Variants in C20orf203 observed in about 807,000 individuals in gnomAD.
C20orf203 encodes the protein chromosome 20 open reading frame 203, also known as uncharacterized protein C20orf203.
In C20orf203, 16 loss-of-function variants were observed where a neutral mutation model predicts 15.9. The ratio of observed to expected loss-of-function variants is 1.01; its 90% CI spans 0.68 to 1.53. The LOEUF is 1.53. Ranked by LOEUF, C20orf203 falls within the 40% of genes most tolerant of loss-of-function variation. The pLI, the probability that C20orf203 is intolerant of heterozygous loss-of-function variation, is 0.00. For synonymous variants in C20orf203, 98 were observed against 97.2 expected, an observed-to-expected ratio of 1.01 and a Z score of -0.05; for missense variants, 263 against 247.5, an observed-to-expected ratio of 1.06 and a Z score of -0.42.
chr20:32,673,402 A>G (rs1211473756), intron 1 of C20orf203, among the ~76,000 whole-genome samples: 1 of 152,022 alleles, frequency 6.6e-6, no homozygotes, highest in Non-Finnish European at 1.5e-5. Context: ...TAGCTGCCGG[A>G]GATGGGCTCA....
At chr20:32,638,262 G>A (rs964777474) in intron 5 of C20orf203, among the ~76,000 whole-genome samples, 3 of 152,196 alleles carry the variant, frequency 2.0e-5, no homozygotes, top group Non-Finnish European at 4.4e-5. Context: ...ACTGTTCTGT[G>A]TGCTTCATGT....
At chr20:32,670,234 G>A (rs183621340) in intron 1 of C20orf203, among the ~76,000 whole-genome samples, 1 of 151,364 alleles carries the variant, frequency 6.6e-6, no homozygotes, top group African/African-American at 2.4e-5. Flanking sequence ...GCCGGGCTCG[G>A]TGGCTCACGC....
rs923212650 is a variant in C20orf203 at position 32,653,434 on chromosome 20, T to C, written c.-263-1453A>G. On this transcript the variant is annotated intron_variant, in intron 1 of 5. Transcript: ENST00000608990. ...TAGGTCGCTGAGTATCTGTGTGACA[T>C]AGCATGCAGCACTTCCCTCCCAGGC... Among the ~76,000 whole-genome samples, 19 of 152,132 alleles carry C rather than the reference T, an allele frequency of 1.2e-4. No homozygotes were observed. The South Asian group carries it at 2.1e-3, about 17-fold the overall frequency.
intron 1 of C20orf203, among the ~76,000 whole-genome samples, chr20:32,664,209 C>A (rs983010213): frequency 6.6e-6 from 1 of 152,188 alleles, no homozygotes; most frequent in Non-Finnish European, 1.5e-5. Context: ...TGCTGATCTG[C>A]GCCTTAGGGA....
intron 1 of C20orf203, among the ~76,000 whole-genome samples, chr20:32,660,224 C>G (rs185364226): frequency 1.8e-3 from 270 of 152,240 alleles, no homozygotes; most frequent in African/African-American, 6.4e-3. Flanking sequence ...GGCAGCTCTC[C>G]AGAGGATCTG....
At chr20:32,641,194 G>A (rs1982271178) in intron 4 of C20orf203, among the ~76,000 whole-genome samples, 2 of 151,926 alleles carry the variant, frequency 1.3e-5, no homozygotes, top group African/African-American at 4.8e-5. Context: ...GTGTCGTGGT[G>A]CATGTGTGGA....
intron 1 of C20orf203, chr20:32,656,926 A>C (rs1270804883): frequency 6.6e-6 from 1 of 152,156 alleles, no homozygotes; most frequent in Non-Finnish European, 1.5e-5. Flanking sequence ...AAACAACCAC[A>C]ACCCAAATGT....
Position 32,643,918 on chromosome 20 carries a change from A to G in C20orf203, c.*1178-3231T>C, listed in dbSNP as rs536167477. 2.6e-5 allele frequency among the ~76,000 whole-genome samples: 4 copies of G among 151,906 alleles called. No homozygotes were observed. In the East Asian group the frequency reaches 7.8e-4, roughly 29 times the overall value. ...CTTTCTGTTTTTAAAACCCTTTCACACTCACCACCATGAAAGCATCATGGC... is the reference window on the plus strand; with the variant it reads ...CTTTCTGTTTTTAAAACCCTTTCACGCTCACCACCATGAAAGCATCATGGC... On this transcript the variant is annotated intron_variant, in intron 4 of 5. Coordinates refer to ENST00000608990, the MANE Select transcript of C20orf203 (RefSeq NM_182584.4).
At position 32,641,196 on chromosome 20, in the gene C20orf203, A is replaced by C. The variant is rs776999217; in HGVS notation, c.*1178-509T>G. On this transcript the variant is annotated intron_variant, in intron 4 of 5. Transcript: ENST00000608990. ...AAATATTATCTGGGTGTCGTGGTGC[A>C]TGTGTGGAGTAGCCTTTAGTCCCAG... Among the ~76,000 whole-genome samples, 28 of 151,894 alleles carry C rather than the reference A, an allele frequency of 1.8e-4. 1 individual carries two copies. Among genetic ancestry groups the C allele is most frequent in the Non-Finnish European group, 3.1e-4 (21 of 68,002 alleles).
At chr20:32,672,487 T>C (rs1049595305) in intron 1 of C20orf203, among the ~76,000 whole-genome samples, 1 of 152,004 alleles carries the variant, frequency 6.6e-6, no homozygotes, top group Admixed American at 6.6e-5. Flanking sequence ...GCAGGAGGAC[T>C]GCTTGAGCCT....
chr20:32,667,863 G>A (rs982138508), intron 1 of C20orf203, among the ~76,000 whole-genome samples: 10 of 152,074 alleles, frequency 6.6e-5, no homozygotes, highest in African/African-American at 2.4e-4. Context: ...GTAGAGACAG[G>A]TTTCACCATG....
chr20:32,641,562 T>C (rs1982281527), intron 4 of C20orf203, among the ~76,000 whole-genome samples: 1 of 152,216 alleles, frequency 6.6e-6, no homozygotes, highest in South Asian at 2.1e-4. Context: ...CCAAAATGAC[T>C]GCACTATCTT....
chr20:32,640,932 T>C (rs1982264141), intron 4 of C20orf203, among the ~76,000 whole-genome samples: 1 of 152,156 alleles, frequency 6.6e-6, no homozygotes, highest in Admixed American at 6.5e-5. Flanking sequence ...GGCATAATGT[T>C]CTCAAGCTTC....
In C20orf203 at chr20:32,673,799, A is replaced by C. The variant is rs1228075146; in HGVS notation, c.-431T>G. The C allele has an allele frequency of 6.6e-6, 1 of 152,204 alleles. No individual in the cohort carries two copies. The highest frequency in any genetic ancestry group is 2.1e-4 in the South Asian group (1 of 4,808). 9.4% of individuals were successfully genotyped at this position (152,204 alleles called of 1,614,324 possible). On this transcript the variant is annotated 5_prime_UTR_variant, in exon 1 of 6. Transcript: ENST00000608990. ...AAGCAGAGAGCCCGCCAGCGTAGCC[A>C]CTCAGAGCTGAGTGGTGGTGGAATG...
intron 4 of C20orf203, among the ~76,000 whole-genome samples, chr20:32,644,095 G>A (rs1346892065): frequency 6.6e-6 from 1 of 152,158 alleles, no homozygotes; most frequent in Non-Finnish European, 1.5e-5. Context: ...CCCCAAACCA[G>A]ACAGAATACC....
Position 32,651,061 on chromosome 20 carries a change from C to T in C20orf203, c.92G>A (p.Arg31His), listed in dbSNP as rs896591659. Residue 31 changes from arginine (R) to histidine (H), a missense_variant, in exon 3 of 6, where the codon CGC becomes CAC. Transcript: ENST00000608990. The stretch of plus-strand genomic sequence containing the variant: ...TTTTGTAAAGGGAAAACTGGCCAGG[C>T]GAGGTGGCCACTGCCTGTGATCCAG... ...NMLDHRQWPP[R>H]LASFPFTKTG... The T allele has an allele frequency of 1.2e-5, 19 of 1,524,508 alleles. No individual in the cohort carries two copies. Among genetic ancestry groups the T allele is most frequent in the South Asian group, 2.5e-5 (2 of 80,786 alleles). The allele number at this position is 1,524,508 out of a possible 1,614,324, so 94.4% of individuals were successfully genotyped here. A position where few individuals can be genotyped will look rare whatever the true frequency, so the allele number is the denominator to read the frequency against.
At chr20:32,658,794 G>C (rs765172620) in intron 1 of C20orf203, among the ~76,000 whole-genome samples, 2 of 152,138 alleles carry the variant, frequency 1.3e-5, no homozygotes, top group African/African-American at 2.4e-5. Flanking sequence ...AGAAGACCAA[G>C]GCTCAGCGTC....
intron 1 of C20orf203, among the ~76,000 whole-genome samples, chr20:32,672,503 G>A (rs1983197576): frequency 6.6e-6 from 1 of 151,498 alleles, no homozygotes; most frequent in African/African-American, 2.4e-5. Context: ...AGCCTAGAAG[G>A]TCAAGGTTAC....
Position 32,635,391 on chromosome 20 carries a change from C to T in C20orf203, c.*1300-1121G>A, listed in dbSNP as rs866898025. On this transcript the variant is annotated intron_variant, in intron 5 of 5. Transcript: ENST00000608990. ...GCACATGCCTGTAATCCCAGCTACT[C>T]GGGAGGCTGAGGCAGAATTGCTTGA... 2.6e-5 allele frequency among the ~76,000 whole-genome samples: 4 copies of T among 152,086 alleles called. No individual in the cohort carries two copies. In the South Asian group the frequency reaches 6.2e-4, roughly 24 times the overall value.
Sources: allele counts gnomAD v4.1 joint callset (sites outside exome capture counted in the v4.1 genomes callset), GRCh38; gene constraint gnomAD v4.1.1; transcripts MANE v1.5; gene names NCBI Gene and HGNC (gene_info 2026-07-23, HGNC 2026-07-21).